The following SLC6A13 variants were observed in gnomAD, a reference collection of about 807,000 sequenced individuals.
SLC6A13 encodes solute carrier family 6 member 13.
A neutral mutation model predicts 72.9 loss-of-function variants in SLC6A13; 69 were observed. The observed-to-expected ratio is 0.95, with a 90% confidence interval of 0.78 to 1.16. The LOEUF (loss-of-function observed/expected upper bound fraction) is 1.16, where lower values mean the gene tolerates loss of function less well. SLC6A13 is among the 50% of genes most tolerant of loss of function. SLC6A13 has a pLI of 0.00. For synonymous variants in SLC6A13, 303 were observed against 303.0 expected (o/e 1.00, Z 0.00); for missense variants, 735 against 760.5 (o/e 0.97, Z 0.39).
intron 1 of SLC6A13, 26 bp from the exon 2 acceptor site, chr12:260,083 T>C (rs1942879508): frequency 6.2e-7 from 1 of 1,602,862 alleles, no homozygotes; most frequent in Non-Finnish European, 8.5e-7. Context: ...GATGCTCTGT[T>C]ACTGTTGGGA....
chr12:254,334 C>T lies in SLC6A13; in HGVS notation c.202+5517G>A, dbSNP rs1462277897. Among the ~76,000 whole-genome samples, 1 of 152,198 alleles carries T rather than the reference C, an allele frequency of 6.6e-6. No individual in the cohort carries two copies. Among genetic ancestry groups the T allele is most frequent in the African/African-American group, 2.4e-5 (1 of 41,440 alleles). On this transcript the variant is annotated intron_variant, in intron 2 of 14. Coordinates refer to ENST00000343164, the MANE Select transcript of SLC6A13 (RefSeq NM_016615.5). The surrounding 1 kb of genome is among the most constrained non-coding windows in gnomAD (Gnocchi z 4.4). ...GATTTTACCTACTCCCACATTTTGC[C>T]CCAATAACCCACATTTACTATTTCC...
Position 251,747 on chromosome 12 carries a change from G to A in SLC6A13, c.203-7934C>T, listed in dbSNP as rs556680063. Among the ~76,000 whole-genome samples, 36 of 151,980 alleles carry A rather than the reference G, an allele frequency of 2.4e-4. 2 individuals are homozygous for A. Among genetic ancestry groups the A allele is most frequent in the Middle Eastern group, 3.4e-3 (1 of 294 alleles). ...GCTGGAGGATCGCTTGAGCCCAGGA[G>A]TTTGAGATCAGCCTAGGCAACATAG... On this transcript the variant is annotated intron_variant, in intron 2 of 14. Coordinates refer to ENST00000343164, the MANE Select transcript of SLC6A13 (RefSeq NM_016615.5).
At chr12:222,992 T>C in intron 12 of SLC6A13, 140 bp downstream of exon 12, 1 of 610,742 alleles carries the variant, frequency 1.6e-6, no homozygotes, top group Non-Finnish European at 2.9e-6. Flanking sequence ...CAATTTAGGA[T>C]TTGCAAGATT....
chr12:231,657 G>C (rs181980947), intron 7 of SLC6A13, among the ~76,000 whole-genome samples: 4 of 152,204 alleles, frequency 2.6e-5, no homozygotes, highest in African/African-American at 9.7e-5. Context: ...AAAGCTGGCT[G>C]GAATGGAAAG....
chr12:256,231 T>C (rs1214480047), intron 2 of SLC6A13, among the ~76,000 whole-genome samples: 1 of 152,234 alleles, frequency 6.6e-6, no homozygotes, highest in East Asian at 1.9e-4. Flanking sequence ...GTTTTGATTA[T>C]AGATGTATCC....
intron 6 of SLC6A13, 50 bp downstream of exon 6, chr12:237,108 G>T (rs754406943): frequency 1.2e-5 from 19 of 1,599,788 alleles, no homozygotes. Flanking sequence ...ACAGCCCCCA[G>T]TGAGGGCAGG....
chr12:261,009 T>C (rs919221671), intron 1 of SLC6A13, among the ~76,000 whole-genome samples: 9 of 152,254 alleles, frequency 5.9e-5, no homozygotes, highest in Non-Finnish European at 8.8e-5. Flanking sequence ...ACTCCTTCTA[T>C]GTCTCTCTGA....
rs1249493850 is a variant in SLC6A13 at position 225,391 on chromosome 12, T to G, written c.1061-878A>C. ...CGGGCCAGCCATGGCGGCTTATGCC[T>G]ATAATCCCAGCACTTTGGGAGGCTG... On this transcript the variant is annotated intron_variant, in intron 9 of 14. Transcript: ENST00000343164. Among the ~76,000 whole-genome samples, 4 of 152,318 alleles carry G rather than the reference T, an allele frequency of 2.6e-5. No homozygotes were observed. The East Asian group carries it at 7.7e-4, about 29-fold the overall frequency.
Position 254,364 on chromosome 12 carries a change from C to T in SLC6A13, c.202+5487G>A, listed in dbSNP as rs562128656. Among the ~76,000 whole-genome samples, 105 of 152,330 alleles carry T rather than the reference C, an allele frequency of 6.9e-4. 1 individual carries two copies. The South Asian group carries it at 0.022, about 32-fold the overall frequency. ...TAACCCACATTTACTATTTCCAATT[C>T]CTTTCTCCCATCTCCCCCATTATCT... On this transcript the variant is annotated intron_variant, in intron 2 of 14. Transcript: ENST00000343164. The surrounding 1 kb of genome is among the most constrained non-coding windows in gnomAD (Gnocchi z 4.4).
At chr12:238,567 C>T (rs1199493107) in intron 4 of SLC6A13, among the ~76,000 whole-genome samples, 3 of 152,184 alleles carry the variant, frequency 2.0e-5, no homozygotes, top group African/African-American at 4.8e-5. Context: ...GTAGAGTGCT[C>T]AATAAGTGGT....
At position 237,286 on chromosome 12, in the gene SLC6A13, G is replaced by T. The variant is rs374740428; in HGVS notation, c.568C>A (p.Arg190=). The T allele has an allele frequency of 3.1e-6, 5 of 1,614,104 alleles. No individual in the cohort carries two copies. Among genetic ancestry groups the T allele is most frequent in the Non-Finnish European group, 8.5e-7 (1 of 1,179,956 alleles). The part of the protein sequence containing the change: ...TSPVIEFWER[R]VLKISDGIQH... ...ATCCCATCAGAGATCTTCAAGACCC[G>T]CCGCCTGGGGAGAGAAGGGTTGAAC... The change falls in exon 6 of 15, where the codon CGG becomes AGG. Residue 190 remains arginine, a synonymous_variant. Transcript: ENST00000343164.
rs77741076 is a variant in SLC6A13 at position 244,900 on chromosome 12, T to C, written c.203-1087A>G. Among the ~76,000 whole-genome samples the C allele has an allele frequency of 1.8e-4, 27 of 152,308 alleles. No homozygotes were observed. In the East Asian group the frequency reaches 5.0e-3, roughly 28 times the overall value. On this transcript the variant is annotated intron_variant, in intron 2 of 14. Transcript: ENST00000343164. Reference sequence around the variant, plus strand: ...GGTGTTCTGTTGTAGCAACACAAAATGAACTAAGCTAGTAATCTGTCTCCT... The same window carrying C: ...GGTGTTCTGTTGTAGCAACACAAAACGAACTAAGCTAGTAATCTGTCTCCT...
Position 221,387 on chromosome 12 carries a change from G to A in SLC6A13, c.1675C>T (p.Pro559Ser). The A allele has an allele frequency of 4.4e-6, 7 of 1,599,890 alleles. No individual in the cohort carries two copies. The East Asian group carries it at 6.7e-5, about 15-fold the overall frequency. Residue 559 changes from proline to serine, a missense_variant, in exon 14 of 15, where the codon CCC becomes TCC. Transcript: ENST00000343164. ...CGCAAAGGCCCTACCTCTCTGAAGGGGCCCTTGAGGGTTCCGAGTCTGTAG... is the reference window on the plus strand; with the variant it reads ...CGCAAAGGCCCTACCTCTCTGAAGGAGCCCTTGAGGGTTCCGAGTCTGTAG... Reference protein sequence around the residue: ...SLYRLGTLKGPFRERIRQLMC... With the variant: ...SLYRLGTLKGSFRERIRQLMC...
Position 242,762 on chromosome 12 carries a change from G to A in SLC6A13, c.338-8C>T. The A allele has an allele frequency of 6.4e-7, 1 of 1,572,044 alleles. No individual in the cohort carries two copies. Among genetic ancestry groups the A allele is most frequent in the Admixed American group, 1.9e-5 (1 of 53,184 alleles). ...GGGAGGCATAGCCAATGCCTGCGGG[G>A]AAACTGCAGAATTGGGCTAGGAACG... On this transcript the variant is annotated splice_region_variant and splice_polypyrimidine_tract_variant and intron_variant, in intron 3 of 14. Transcript: ENST00000343164.
intron 7 of SLC6A13, among the ~76,000 whole-genome samples, chr12:228,985 G>GCAGGGC (rs754149193): frequency 4.6e-5 from 7 of 152,182 alleles, no homozygotes; most frequent in South Asian, 4.1e-4. Context: ...TCTCCATTCT[G>GCAGGGC]CAGGGCCAGG....
chr12:223,905 G>T, intron 11 of SLC6A13, 87 bp downstream of exon 11: 1 of 1,488,264 alleles, frequency 6.7e-7, no homozygotes, highest in South Asian at 1.2e-5. Flanking sequence ...TGCCCTGACC[G>T]GGAGCCAGGG....
intron 2 of SLC6A13, among the ~76,000 whole-genome samples, chr12:245,640 A>G (rs534431): frequency 1.3e-5 from 2 of 151,638 alleles, no homozygotes; most frequent in African/African-American, 4.9e-5. Flanking sequence ...AGATCGTGCC[A>G]CTGCACTCCA....
In SLC6A13 at chr12:241,257, C is replaced by G. The variant is rs537597119; in HGVS notation, c.478+1357G>C. ...GGTGGAGGTTGCAGTGAGCCAAGAT[C>G]GCGCCACTGCACTCCAGCCTGGGCG... On this transcript the variant is annotated intron_variant, in intron 4 of 14. Coordinates refer to ENST00000343164, the MANE Select transcript of SLC6A13 (RefSeq NM_016615.5). 2.2e-4 allele frequency among the ~76,000 whole-genome samples: 34 copies of G among 152,124 alleles called. No individual in the cohort carries two copies. The South Asian group carries it at 3.9e-3, about 18-fold the overall frequency.
intron 2 of SLC6A13, among the ~76,000 whole-genome samples, chr12:248,366 T>C (rs960752362): frequency 3.6e-5 from 5 of 139,010 alleles, no homozygotes. Flanking sequence ...GTTGCACCAC[T>C]GCACTCCAGC....
Sources: gnomAD v4.1 joint callset for allele counts (sites outside exome capture counted in the v4.1 genomes callset) on GRCh38, gnomAD v4.1.1 for gene constraint, Gnocchi (gnomAD v3.1) non-coding constraint, MANE v1.5 for transcripts, NCBI Gene and HGNC (gene_info 2026-07-23, HGNC 2026-07-21) for gene names.